ARHGAP21: variants seen among roughly 807,000 people sequenced by gnomAD.
ARHGAP21 encodes the protein Rho GTPase activating protein 21.
In ARHGAP21, 38 loss-of-function variants were observed where a neutral mutation model predicts 164.6. The observed-to-expected ratio is 0.23, with a 90% CI of 0.18 to 0.30. The LOEUF is 0.30. Among genes scored for constraint, ARHGAP21 ranks in the 10% least tolerant of loss-of-function variants. The probability of loss-of-function intolerance (pLI) is 1.00; values close to 1 mark genes in which losing one functional copy is unlikely to be tolerated. For missense variants in ARHGAP21, 1,822 were observed against 2,370.7 expected (o/e 0.77, Z 4.81); for synonymous variants, 766 against 857.9 (o/e 0.89, Z 1.87).
At chr10:24,677,065 C>T (rs953829070) in intron 2 of ARHGAP21, among the ~76,000 whole-genome samples, 1 of 151,916 alleles carries the variant, frequency 6.6e-6, no homozygotes, top group Non-Finnish European at 1.5e-5. Flanking sequence ...ACTAAAAATA[C>T]AAAAATTAGC....
At chr10:24,598,714 AATG>A (rs1298287961) in intron 14 of ARHGAP21, among the ~76,000 whole-genome samples, 5 of 152,146 alleles carry the variant, frequency 3.3e-5, no homozygotes, top group Admixed American at 6.5e-5. Flanking sequence ...GATGATAGTG[AATG>A]ATGATACAGT....
At chr10:24,597,807 A>C in intron 15 of ARHGAP21, 138 bp downstream of exon 15, 1 of 1,100,026 alleles carries the variant, frequency 9.1e-7, no homozygotes, top group Non-Finnish European at 1.3e-6. Context: ...ATGGGAAAAA[A>C]TATAGCGTAG....
At chr10:24,633,187 T>G (rs1431119484) in intron 6 of ARHGAP21, among the ~76,000 whole-genome samples, 3 of 152,210 alleles carry the variant, frequency 2.0e-5, no homozygotes, top group Admixed American at 2.0e-4. Context: ...GGGATTTTAA[T>G]CATAAATCTG....
At chr10:24,597,324 A>G (rs2076627512) in intron 16 of ARHGAP21, 123 bp downstream of exon 16, 3 of 1,276,830 alleles carry the variant, frequency 2.3e-6, no homozygotes, top group Non-Finnish European at 2.1e-6. Flanking sequence ...CAAGCCTACT[A>G]TGAATTTTGA....
chr10:24,717,003 C>T (rs7087801), intron 2 of ARHGAP21, among the ~76,000 whole-genome samples: 44,480 of 152,038 alleles, frequency 0.29, 6,710 homozygotes, highest in East Asian at 0.31. Context: ...TCTGATTCTG[C>T]GAGACAGAGG....
At chr10:24,589,481 C>T (rs887361121) in intron 24 of ARHGAP21, 179 bp from the exon 25 acceptor site, 3 of 530,292 alleles carry the variant, frequency 5.7e-6, no homozygotes, top group Admixed American at 4.2e-5. Context: ...AGAAAGCCAC[C>T]GCCATGAAAG....
intron 2 of ARHGAP21, among the ~76,000 whole-genome samples, chr10:24,674,955 C>T (rs1220262344): frequency 6.6e-6 from 1 of 152,086 alleles, no homozygotes; most frequent in African/African-American, 2.4e-5. Flanking sequence ...TTGGTCAGGA[C>T]GTGAAGCAAC....
At chr10:24,641,358 G>A (rs747223406) in intron 4 of ARHGAP21, among the ~76,000 whole-genome samples, 4 of 152,152 alleles carry the variant, frequency 2.6e-5, no homozygotes, top group East Asian at 1.9e-4. Context: ...AAATTTAGGT[G>A]TTCCCCAAAT....
chr10:24,721,819 C>G lies in ARHGAP21; in HGVS notation c.63+18G>C. 6.2e-7 allele frequency: 1 copy of G among 1,613,942 alleles called. No homozygotes were observed. The highest frequency in any genetic ancestry group is 1.7e-5 in the Admixed American group (1 of 60,010). ...AGGCCACCGCCCTGCCGGCCAGGAA[C>G]GCTGGCTCCGCGCTTACCTCGCAGG... On this transcript the variant is annotated intron_variant, in intron 2 of 25. Coordinates refer to ENST00000396432, the MANE Select transcript of ARHGAP21 (RefSeq NM_020824.4).
intron 24 of ARHGAP21, chr10:24,590,853 T>C: frequency 4.1e-6 from 4 of 977,168 alleles, no homozygotes; most frequent in Non-Finnish European, 4.8e-6. Flanking sequence ...ACAGCCCAGA[T>C]CATACTTTCT....
chr10:24,638,766 T>C (rs1836661893), intron 4 of ARHGAP21, among the ~76,000 whole-genome samples: 1 of 152,236 alleles, frequency 6.6e-6, no homozygotes, highest in Admixed American at 6.5e-5. Context: ...TACATGCAGT[T>C]AAATCTTCCT....
chr10:24,585,664 G>C lies in ARHGAP21; in HGVS notation c.4625C>G (p.Thr1542Arg). The change falls in exon 26 of 26, where the codon ACA becomes AGA. Residue 1542 changes from threonine to arginine, a missense_variant. Physicochemically the swap from Thr to Arg is moderately conservative, Grantham distance 71. This residue lies in a region of ARHGAP21 where 333 missense variants were observed against 383.9 expected (regional missense o/e 0.87). Transcript: ENST00000396432. Reference sequence around the variant, plus strand: ...GAGCAAAGTGCCAGAGTCAGAGCCTGTCTCTTCAAGGTGGGAGGACTTCTG... The same window carrying C: ...GAGCAAAGTGCCAGAGTCAGAGCCTCTCTCTTCAAGGTGGGAGGACTTCTG... ...LAQKSSHLEE[T>R]GSDSGTLLST... 6.2e-7 allele frequency: 1 copy of C among 1,614,194 alleles called. No homozygotes were observed. The highest frequency in any genetic ancestry group is 8.5e-7 in the Non-Finnish European group (1 of 1,180,032).
At chr10:24,613,945 G>C (rs1426195378) in intron 9 of ARHGAP21, among the ~76,000 whole-genome samples, 1 of 152,172 alleles carries the variant, frequency 6.6e-6, no homozygotes, top group Admixed American at 6.5e-5. Flanking sequence ...GAACTCTTAA[G>C]ATCTGGGGGT....
chr10:24,683,809 T>A (rs1380245169), intron 2 of ARHGAP21, among the ~76,000 whole-genome samples: 1 of 152,180 alleles, frequency 6.6e-6, no homozygotes, highest in East Asian at 1.9e-4. Flanking sequence ...TCACACAATG[T>A]TTTACCTGCA....
At chr10:24,624,885 T>A (rs962619067) in intron 7 of ARHGAP21, among the ~76,000 whole-genome samples, 1 of 152,076 alleles carries the variant, frequency 6.6e-6, no homozygotes, top group African/African-American at 2.4e-5. Flanking sequence ...TTAGCCATTT[T>A]TTCCACTCAG....
chr10:24,586,374 G>A (rs1259183330), intron 25 of ARHGAP21, among the ~76,000 whole-genome samples: 18 of 152,258 alleles, frequency 1.2e-4, no homozygotes, highest in African/African-American at 4.3e-4. Flanking sequence ...AATAGTCTGT[G>A]CTTAGTGCTG....
intron 2 of ARHGAP21, among the ~76,000 whole-genome samples, chr10:24,717,156 G>A (rs2132305835): frequency 6.6e-6 from 1 of 152,306 alleles, no homozygotes; most frequent in East Asian, 1.9e-4. Context: ...GAGCTTTGAG[G>A]TGTAGAAAGG....
intron 6 of ARHGAP21, among the ~76,000 whole-genome samples, chr10:24,632,009 C>T (rs1029279346): frequency 2.0e-5 from 3 of 152,238 alleles, no homozygotes; most frequent in African/African-American, 7.2e-5. Flanking sequence ...GCATGAGCCA[C>T]TGCACCCAGC....
chr10:24,633,696 CATTTTAATAT>C (rs1836061923), intron 5 of ARHGAP21, among the ~76,000 whole-genome samples: 1 of 151,850 alleles, frequency 6.6e-6, no homozygotes, highest in African/African-American at 2.4e-5. Flanking sequence ...AAAGTAAATA[CATTTTAATAT>C]ATCCAGCTTT....
Sources: allele counts gnomAD v4.1 joint callset (sites outside exome capture counted in the v4.1 genomes callset), GRCh38; gene constraint gnomAD v4.1.1; regional missense constraint gnomAD v4.1.1; transcripts MANE v1.5; gene names NCBI Gene and HGNC (gene_info 2026-07-23, HGNC 2026-07-21).